Variants in LCA5 observed in about 807,000 individuals in gnomAD.
LCA5 encodes the protein lebercilin LCA5, also known as lebercilin.
In LCA5, 37 loss-of-function variants were observed where a neutral mutation model predicts 53.0. The ratio of observed to expected loss-of-function variants is 0.70; its 90% CI spans 0.54 to 0.92. The LOEUF is 0.92. Among genes scored for constraint, LCA5 ranks in the 40% least tolerant of loss-of-function variants. The probability of loss-of-function intolerance (pLI) is 0.00; values close to 1 mark genes in which losing one functional copy is unlikely to be tolerated. For missense variants in LCA5, 806 were observed against 790.5 expected, an observed-to-expected ratio of 1.02 and a Z score of -0.23; for synonymous variants, 303 against 282.9, an observed-to-expected ratio of 1.07 and a Z score of -0.71.
intron 1 of LCA5, among the ~76,000 whole-genome samples, chr6:79,536,237 T>C (rs1273715156): frequency 1.3e-5 from 2 of 152,118 alleles, no homozygotes; most frequent in East Asian, 1.9e-4. Context: ...AAAATAACCA[T>C]GCAAAAGAAA....
At chr6:79,495,274 A>T (rs1266642019) in intron 3 of LCA5, among the ~76,000 whole-genome samples, 6 of 152,114 alleles carry the variant, frequency 3.9e-5, no homozygotes, top group Non-Finnish European at 8.8e-5. Context: ...CCATGGAAAA[A>T]CTGTCTTCCA....
At chr6:79,528,346 C>A (rs934943772) in intron 1 of LCA5, among the ~76,000 whole-genome samples, 5 of 152,130 alleles carry the variant, frequency 3.3e-5, no homozygotes, top group African/African-American at 1.2e-4. Flanking sequence ...GTACCCACAT[C>A]CCAAACATCA....
chr6:79,488,699 C>A, intron 7 of LCA5: 1 of 330,808 alleles, frequency 3.0e-6, no homozygotes, highest in East Asian at 5.4e-5. Context: ...ACAAATAGTT[C>A]TTTAGCTATT....
At chr6:79,500,804 C>T (rs1770116723) in intron 3 of LCA5, among the ~76,000 whole-genome samples, 1 of 151,620 alleles carries the variant, frequency 6.6e-6, no homozygotes, top group Admixed American at 6.6e-5. Flanking sequence ...TGTGACAGCC[C>T]TTTAAACAAT....
intron 3 of LCA5, among the ~76,000 whole-genome samples, chr6:79,501,000 G>C (rs1289366249): frequency 2.0e-5 from 3 of 151,992 alleles, no homozygotes; most frequent in East Asian, 1.9e-4. Context: ...TTACCTCTTA[G>C]GACAAAGGTA....
intron 6 of LCA5, 36 bp downstream of exon 6, chr6:79,491,552 A>C (rs1479033089): frequency 3.1e-6 from 5 of 1,609,360 alleles, no homozygotes; most frequent in South Asian, 2.2e-5. Context: ...ATAACTTCAG[A>C]CCGAGTTTGG....
At chr6:79,538,688 G>GA (rs532311026), upstream of LCA5, among the ~76,000 whole-genome samples, 21 of 152,172 alleles carry the variant, frequency 1.4e-4, no homozygotes, top group Non-Finnish European at 3.1e-4. Flanking sequence ...GGAAGAATCA[G>GA]AAAACATACC....
chr6:79,523,778 G>GTGT (rs1766696851), intron 1 of LCA5, among the ~76,000 whole-genome samples: 1 of 152,178 alleles, frequency 6.6e-6, no homozygotes, highest in African/African-American at 2.4e-5. Context: ...AATACACACA[G>GTGT]TGTTCTCTCC....
In LCA5 at chr6:79,493,674, T is replaced by A; in HGVS notation, c.797A>T (p.Glu266Val). The A allele has an allele frequency of 6.2e-7, 1 of 1,613,502 alleles. No homozygotes were observed. The highest frequency in any genetic ancestry group is 8.5e-7 in the Non-Finnish European group (1 of 1,179,470). Residue 266 changes from glutamate to valine, a missense_variant, in exon 4 of 8, where the codon GAG becomes GTG. Coordinates refer to ENST00000369846, the MANE Select transcript of LCA5 (RefSeq NM_001122769.3). ...QLLAERKRAY[E>V]AHDENKVLQK... ...AAGAACTTTATTTTCATCATGAGCC[T>A]CATATGCCCTTTTCCTTTCAGCAAG...
At chr6:79,494,984 G>GGAC (rs1769940684) in intron 3 of LCA5, among the ~76,000 whole-genome samples, 1 of 152,162 alleles carries the variant, frequency 6.6e-6, no homozygotes, top group Non-Finnish European at 1.5e-5. Context: ...GCTAAAGCAG[G>GGAC]GGTCCCCAAC....
Position 79,509,432 on chromosome 6 carries a change from C to T in LCA5, c.720+3780G>A, listed in dbSNP as rs189128723. 1.2e-3 allele frequency among the ~76,000 whole-genome samples: 171 copies of T among 138,788 alleles called. 1 individual carries two copies. Among genetic ancestry groups the T allele is most frequent in the African/African-American group, 4.2e-3 (155 of 36,692 alleles). The allele number at this position is 138,788 out of a possible 152,430, so 91.1% of individuals were successfully genotyped here. ...TCATGTCACTGCACTCCAGCCTGGG[C>T]GACAGAGTGAGACTCCGTCTCAAAA... On this transcript the variant is annotated intron_variant, in intron 3 of 7. Transcript: ENST00000369846.
Position 79,485,811 on chromosome 6 carries a change from A to C in LCA5, c.*1193T>G, listed in dbSNP as rs1161521727. 1 of 152,196 alleles carries C rather than the reference A, an allele frequency of 6.6e-6. No individual in the cohort carries two copies. The highest frequency in any genetic ancestry group is 1.5e-5 in the Non-Finnish European group (1 of 68,012). 9.4% of individuals were successfully genotyped at this position (152,196 alleles called of 1,614,324 possible). A position where few individuals can be genotyped will look rare whatever the true frequency, so the allele number is the denominator to read the frequency against. On this transcript the variant is annotated 3_prime_UTR_variant, in exon 8 of 8. Coordinates refer to ENST00000369846, the MANE Select transcript of LCA5 (RefSeq NM_001122769.3). ...ACTATTTCCACCACTCTTCATTTTA[A>C]CAATGTTTTCTCCTTGGGCTGGTGG...
rs562728930 is a variant in LCA5 at position 79,528,481 on chromosome 6, C to T, written c.-192+8684G>A. On this transcript the variant is annotated intron_variant, in intron 1 of 7. Coordinates refer to ENST00000369846, the MANE Select transcript of LCA5 (RefSeq NM_001122769.3). ...TTGGATAGGGACTTGTGCTTTAGTC[C>T]AATTGGCCATTCCCCTCTCCCTGGC... Among the ~76,000 whole-genome samples the T allele has an allele frequency of 5.3e-5, 8 of 152,240 alleles. No homozygotes were observed. In the South Asian group the frequency reaches 1.7e-3, roughly 32 times the overall value.
At chr6:79,524,143 C>T (rs1766712931) in intron 1 of LCA5, among the ~76,000 whole-genome samples, 1 of 152,164 alleles carries the variant, frequency 6.6e-6, no homozygotes, top group Non-Finnish European at 1.5e-5. Flanking sequence ...CATTCTTCCT[C>T]CTAAAGACAT....
At chr6:79,534,006 A>G (rs1767033824) in intron 1 of LCA5, among the ~76,000 whole-genome samples, 1 of 150,824 alleles carries the variant, frequency 6.6e-6, no homozygotes, top group Non-Finnish European at 1.5e-5. Context: ...AAGATGAGAT[A>G]AAAGTAAAAA....
intron 1 of LCA5, chr6:79,525,192 GTTTC>G (rs1306772828): frequency 2.0e-5 from 3 of 151,584 alleles, no homozygotes; most frequent in South Asian, 2.1e-4. Context: ...CAGCTTTTCT[GTTTC>G]TTTATCTTGG....
At chr6:79,529,025 G>T (rs2127688801) in intron 1 of LCA5, among the ~76,000 whole-genome samples, 1 of 152,208 alleles carries the variant, frequency 6.6e-6, no homozygotes, top group South Asian at 2.1e-4. Context: ...TTTAAAAAAT[G>T]GAAAGGCATG....
At chr6:79,492,230 T>C (rs932687559) in intron 5 of LCA5, among the ~76,000 whole-genome samples, 2 of 151,988 alleles carry the variant, frequency 1.3e-5, no homozygotes. Flanking sequence ...TAAAGCTACA[T>C]GATATGTAAA....
At chr6:79,503,806 G>C (rs1054072260) in intron 3 of LCA5, among the ~76,000 whole-genome samples, 1 of 152,108 alleles carries the variant, frequency 6.6e-6, no homozygotes, top group Non-Finnish European at 1.5e-5. Context: ...GTGCGCGCGT[G>C]CGCGTGCGTA....
Sources: allele counts gnomAD v4.1 joint callset (sites outside exome capture counted in the v4.1 genomes callset), GRCh38; gene constraint gnomAD v4.1.1; transcripts MANE v1.5; gene names NCBI Gene and HGNC (gene_info 2026-07-23, HGNC 2026-07-21).